PMEPA1: variants seen among roughly 807,000 people sequenced by gnomAD.
The protein encoded by PMEPA1 is prostate transmembrane protein, androgen induced 1, also known as protein TMEPAI.
Under a neutral mutation model 23.0 loss-of-function variants are expected in PMEPA1, and 11 were observed. The observed-to-expected ratio is 0.48, with a 90% confidence interval of 0.30 to 0.79. PMEPA1 has a LOEUF of 0.79. Among genes scored for constraint, PMEPA1 ranks in the 30% least tolerant of loss-of-function variants. The pLI is 0.06. For synonymous variants in PMEPA1, 204 were observed against 166.4 expected (o/e 1.23, Z -1.74); for missense variants, 377 against 390.9 (o/e 0.96, Z 0.30).
intron 1 of PMEPA1, among the ~76,000 whole-genome samples, chr20:57,706,612 G>A (rs1001053498): frequency 6.6e-6 from 1 of 152,152 alleles, no homozygotes; most frequent in Non-Finnish European, 1.5e-5. Flanking sequence ...GAGAGCAGAC[G>A]TGGCTCCCGG....
At chr20:57,701,076 G>C (rs994673793) in intron 1 of PMEPA1, among the ~76,000 whole-genome samples, 4 of 150,396 alleles carry the variant, frequency 2.7e-5, no homozygotes, top group African/African-American at 7.4e-5. Flanking sequence ...AAAAAAAAAA[G>C]AGAAGAAAAT....
At chr20:57,690,321 C>A in intron 1 of PMEPA1, 1 of 826,746 alleles carries the variant, frequency 1.2e-6, no homozygotes, top group Non-Finnish European at 1.8e-6. Flanking sequence ...CCCACCCCCA[C>A]CACTGCCACC....
rs2071320941 is a variant in PMEPA1, at chr20:57,655,946, C to G, written c.265-2860G>C. Among the ~76,000 whole-genome samples, 1 of 152,082 alleles carries G rather than the reference C, an allele frequency of 6.6e-6. No homozygotes were observed. Among genetic ancestry groups the G allele is most frequent in the African/African-American group, 2.4e-5 (1 of 41,448 alleles). ...CGCACTCGAAAACACTTCATTCACA[C>G]TCAGAAAAGACCTCATTGACAAAAC... On this transcript the variant is annotated intron_variant, in intron 2 of 3. Transcript: ENST00000341744. The surrounding 1 kb of genome is among the most constrained non-coding windows in gnomAD (Gnocchi z 4.2).
intron 1 of PMEPA1, among the ~76,000 whole-genome samples, chr20:57,703,172 G>A (rs1184472135): frequency 6.6e-6 from 1 of 152,270 alleles, no homozygotes; most frequent in Non-Finnish European, 1.5e-5. Flanking sequence ...ACCCTGGGGA[G>A]AAGGCAGGAA....
intron 1 of PMEPA1, among the ~76,000 whole-genome samples, chr20:57,707,344 T>G (rs59579229): frequency 6.6e-6 from 1 of 152,174 alleles, no homozygotes; most frequent in African/African-American, 2.4e-5. Flanking sequence ...GAAAACAAAC[T>G]GTTACAGTAT....
chr20:57,680,896 G>C (rs2071703231), intron 1 of PMEPA1, among the ~76,000 whole-genome samples: 2 of 152,230 alleles, frequency 1.3e-5, no homozygotes, highest in African/African-American at 2.4e-5. Context: ...ATGGGTGAGG[G>C]AAAGTGGCGG....
At chr20:57,664,315 C>T (rs1048687299) in intron 1 of PMEPA1, among the ~76,000 whole-genome samples, 2 of 152,200 alleles carry the variant, frequency 1.3e-5, no homozygotes, top group Non-Finnish European at 2.9e-5. Context: ...GCATGCGGGC[C>T]TCTACGACGC....
rs1369634176 is a variant in PMEPA1 at position 57,651,051 on chromosome 20, A to G, written c.*1002T>C. Reference sequence around the variant, plus strand: ...TTCACAGTTGGAAAAAAGAAGAGGAAAAACTAATTCCTTCGGTAACAGTTT... The same window carrying G: ...TTCACAGTTGGAAAAAAGAAGAGGAGAAACTAATTCCTTCGGTAACAGTTT... On this transcript the variant is annotated 3_prime_UTR_variant, in exon 4 of 4. Transcript: ENST00000341744. 4.6e-5 allele frequency: 7 copies of G among 152,248 alleles called. No individual in the cohort carries two copies. Among genetic ancestry groups the G allele is most frequent in the Admixed American group, 1.3e-4 (2 of 15,290 alleles). 9.4% of individuals were successfully genotyped at this position (152,248 alleles called of 1,614,324 possible). A position where few individuals can be genotyped will look rare whatever the true frequency, so the allele number is the denominator to read the frequency against.
chr20:57,667,037 C>G (rs1308403600), intron 1 of PMEPA1, among the ~76,000 whole-genome samples: 1 of 152,226 alleles, frequency 6.6e-6, no homozygotes, highest in East Asian at 1.9e-4. Flanking sequence ...TGGACACCCA[C>G]AGCGTCCAGA....
chr20:57,664,721 C>A (rs543033291), intron 1 of PMEPA1, among the ~76,000 whole-genome samples: 165 of 152,316 alleles, frequency 1.1e-3, no homozygotes, highest in African/African-American at 3.8e-3. Context: ...AGCGCGGCCG[C>A]ATCCCTCCCT....
intron 1 of PMEPA1, among the ~76,000 whole-genome samples, chr20:57,688,075 G>C (rs1029575186): frequency 3.3e-5 from 5 of 152,072 alleles, no homozygotes; most frequent in Admixed American, 1.3e-4. Context: ...CCCTCATCTC[G>C]GGACGGCCTC....
intron 1 of PMEPA1, among the ~76,000 whole-genome samples, chr20:57,694,856 G>C (rs891173532): frequency 1.3e-5 from 2 of 152,230 alleles, no homozygotes; most frequent in Non-Finnish European, 2.9e-5. Context: ...TCTATCTCTA[G>C]ATGAAAAATA....
rs1412758753 is a variant in PMEPA1, at chr20:57,683,910, T to A, written c.110-24213A>T. On this transcript the variant is annotated intron_variant, in intron 1 of 3. Coordinates refer to ENST00000341744, the MANE Select transcript of PMEPA1 (RefSeq NM_020182.5). The surrounding 1 kb of genome is among the most constrained non-coding windows in gnomAD (Gnocchi z 4.3). Reference sequence around the variant, plus strand: ...CTGCTCAACAGACCACTCCTGCCTGTGGGCTGTCTGTTTTGGGGGTAGAAA... The same window carrying A: ...CTGCTCAACAGACCACTCCTGCCTGAGGGCTGTCTGTTTTGGGGGTAGAAA... 3.9e-5 allele frequency among the ~76,000 whole-genome samples: 6 copies of A among 152,166 alleles called. No homozygotes were observed. Among genetic ancestry groups the A allele is most frequent in the Non-Finnish European group, 5.9e-5 (4 of 68,034 alleles).
chr20:57,651,117 C>T lies in PMEPA1; in HGVS notation c.*936G>A, dbSNP rs1006859154. The T allele has an allele frequency of 5.3e-5, 8 of 152,240 alleles. No individual in the cohort carries two copies. Among genetic ancestry groups the T allele is most frequent in the African/African-American group, 1.9e-4 (8 of 41,452 alleles). 9.4% of individuals were successfully genotyped at this position (152,240 alleles called of 1,614,324 possible). ...AAAGGCAAAACCACTACCTGGAACT[C>T]GGTGCCTCCGTGGTTAACTTTCCTA... On this transcript the variant is annotated 3_prime_UTR_variant, in exon 4 of 4. Transcript: ENST00000341744.
chr20:57,690,133 C>T (rs950444521), intron 1 of PMEPA1, among the ~76,000 whole-genome samples: 27 of 152,264 alleles, frequency 1.8e-4, no homozygotes, highest in African/African-American at 6.3e-4. Context: ...ACCTTCCCAC[C>T]TGCCTGGCTT....
chr20:57,703,555 G>A (rs2072039222), intron 1 of PMEPA1, among the ~76,000 whole-genome samples: 1 of 152,200 alleles, frequency 6.6e-6, no homozygotes, highest in South Asian at 2.1e-4. Context: ...GACCGTCTGG[G>A]GCCTCTTGGG....
Position 57,652,101 on chromosome 20 carries a change from T to C in PMEPA1, c.816A>G (p.Ala272=), listed in dbSNP as rs2071241595. ...TATCCTTCTCTTTGCTCCAGATGGC[T>C]GCGCTCTCTAGGGGCGCGATGTGTG... ...HHTHIAPLES[A]AIWSKEKDKQ... The change falls in exon 4 of 4, where the codon GCA becomes GCG. Residue 272 remains alanine (A), a synonymous_variant. Transcript: ENST00000341744. The surrounding 1 kb of genome is among the most constrained non-coding windows in gnomAD (Gnocchi z 6.1). The C allele has an allele frequency of 2.6e-6, 4 of 1,563,364 alleles. No homozygotes were observed. The South Asian group carries it at 4.7e-5, about 18-fold the overall frequency.
In PMEPA1 at chr20:57,709,740, G is replaced by T; in HGVS notation, c.-158C>A. The T allele has an allele frequency of 2.0e-6, 2 of 979,786 alleles. No homozygotes were observed. Among genetic ancestry groups the T allele is most frequent in the Non-Finnish European group, 2.4e-6 (2 of 827,612 alleles). The allele number at this position is 979,786 out of a possible 1,614,324, so 60.7% of individuals were successfully genotyped here. A position where few individuals can be genotyped will look rare whatever the true frequency, so the allele number is the denominator to read the frequency against. On this transcript the variant is annotated 5_prime_UTR_variant, in exon 1 of 4. Coordinates refer to ENST00000341744, the MANE Select transcript of PMEPA1 (RefSeq NM_020182.5). ...CTCGGGTCGCCGCCAAGTTCCCGGG[G>T]CGCCGCGGGGCTCAGTGCGCGGGAC...
intron 1 of PMEPA1, among the ~76,000 whole-genome samples, chr20:57,695,780 A>G (rs1432442752): frequency 6.6e-6 from 1 of 152,114 alleles, no homozygotes; most frequent in Non-Finnish European, 1.5e-5. Flanking sequence ...CTTGGGGCTG[A>G]GGGCAGCTTA....
Sources: gnomAD v4.1 joint callset for allele counts (sites outside exome capture counted in the v4.1 genomes callset) on GRCh38, gnomAD v4.1.1 for gene constraint, Gnocchi (gnomAD v3.1) non-coding constraint, MANE v1.5 for transcripts, NCBI Gene and HGNC (gene_info 2026-07-23, HGNC 2026-07-21) for gene names.